Variants in RSPO2 observed in about 807,000 individuals in gnomAD.
The protein encoded by RSPO2 is R-spondin-2.
In RSPO2, 14 loss-of-function variants were observed where a neutral mutation model predicts 30.9. That is an observed-to-expected ratio of 0.45 (90% CI 0.30 to 0.71). The LOEUF is 0.71. Among genes scored for constraint, RSPO2 ranks in the 30% least tolerant of loss-of-function variants. The pLI is 0.08. For synonymous variants in RSPO2, 107 were observed against 96.4 expected (o/e 1.11, Z -0.64); for missense variants, 264 against 301.9 (o/e 0.87, Z 0.93).
rs778343199 is a variant in RSPO2 at position 107,922,310 on chromosome 8, C to CA, written c.617-21121dup. Among the ~76,000 whole-genome samples the CA allele has an allele frequency of 6.6e-5, 10 of 152,114 alleles. No individual in the cohort carries two copies. In the South Asian group the frequency reaches 1.0e-3, roughly 16 times the overall value. On this transcript the variant is annotated intron_variant, in intron 5 of 5. Transcript: ENST00000276659. ...ACTAGCATTCCTATACACCAACAGT[C>CA]AAGCTGAGTGCCCAATCAGGAATAC... is the stretch of plus-strand genomic sequence containing the variant.
At chr8:108,002,275 T>C (rs761474585) in intron 2 of RSPO2, among the ~76,000 whole-genome samples, 3 of 152,204 alleles carry the variant, frequency 2.0e-5, no homozygotes, top group Non-Finnish European at 2.9e-5. Flanking sequence ...CATGGTTCCA[T>C]GTTTATACAG....
intron 2 of RSPO2, among the ~76,000 whole-genome samples, chr8:108,068,619 A>C (rs983013909): frequency 1.3e-5 from 2 of 152,224 alleles, no homozygotes; most frequent in African/African-American, 4.8e-5. Flanking sequence ...TTATTTGCAA[A>C]TAGGGTTTTT....
intron 2 of RSPO2, among the ~76,000 whole-genome samples, chr8:108,023,764 CAAT>C (rs1219379502): frequency 3.3e-5 from 5 of 152,194 alleles, no homozygotes; most frequent in African/African-American, 1.2e-4. Context: ...AGGCTACTGA[CAAT>C]AAAAGAGCAA....
chr8:107,927,923 G>T (rs1358130881), intron 5 of RSPO2, among the ~76,000 whole-genome samples: 1 of 152,098 alleles, frequency 6.6e-6, no homozygotes, highest in Non-Finnish European at 1.5e-5. Context: ...CAACTCACAT[G>T]TCCAATTCTG....
intron 5 of RSPO2, among the ~76,000 whole-genome samples, chr8:107,937,155 T>TG (rs536930189): frequency 8.0e-5 from 3 of 37,444 alleles, no homozygotes. Flanking sequence ...TCTTCAGTTG[T>TG]TTTTTTTTTT....
chr8:107,999,978 T>C (rs1307852486), intron 2 of RSPO2, among the ~76,000 whole-genome samples: 1 of 152,176 alleles, frequency 6.6e-6, no homozygotes, highest in African/African-American at 2.4e-5. Flanking sequence ...AATATATGTA[T>C]TTAACACAGC....
rs193206078 is a variant in RSPO2 at position 108,037,594 on chromosome 8, C to A, written c.94+44951G>T. 3.5e-3 allele frequency among the ~76,000 whole-genome samples: 536 copies of A among 152,240 alleles called. 4 individuals carry two copies. Among genetic ancestry groups the A allele is most frequent in the African/African-American group, 0.012 (506 of 41,544 alleles). ...AGATTTTTAAATGTAGATTAAAAAG[C>A]CTGCTACTGGGAGAAGATGCCACCC... On this transcript the variant is annotated intron_variant, in intron 2 of 5. Coordinates refer to ENST00000276659, the MANE Select transcript of RSPO2 (RefSeq NM_178565.5).
intron 5 of RSPO2, among the ~76,000 whole-genome samples, chr8:107,955,786 C>G (rs902003406): frequency 6.6e-6 from 1 of 152,072 alleles, no homozygotes; most frequent in Non-Finnish European, 1.5e-5. Flanking sequence ...TGTGCTGCTG[C>G]TTTAGTGTGA....
At chr8:108,068,445 CTAATAA>C (rs1812738120) in intron 2 of RSPO2, among the ~76,000 whole-genome samples, 1 of 152,234 alleles carries the variant, frequency 6.6e-6, no homozygotes, top group Non-Finnish European at 1.5e-5. Context: ...ACTTGTTATA[CTAATAA>C]TATTATGGTA....
At chr8:107,947,589 C>T (rs1426176324) in intron 5 of RSPO2, among the ~76,000 whole-genome samples, 3 of 152,106 alleles carry the variant, frequency 2.0e-5, no homozygotes, top group Non-Finnish European at 4.4e-5. Context: ...CATCAGAACC[C>T]GTAAGTATTC....
intron 5 of RSPO2, among the ~76,000 whole-genome samples, chr8:107,951,049 T>TG (rs74990700): frequency 0.06 from 3,841 of 63,960 alleles, 125 homozygotes; most frequent in Middle Eastern, 0.09. Flanking sequence ...ATAAGTTTTT[T>TG]TTTGTTGTTG....
intron 2 of RSPO2, among the ~76,000 whole-genome samples, chr8:108,002,411 C>G (rs188864570): frequency 6.6e-6 from 1 of 152,224 alleles, no homozygotes; most frequent in Non-Finnish European, 1.5e-5. Flanking sequence ...TGCATACTTC[C>G]TAAGAAATGG....
At chr8:108,056,872 A>C (rs1424051099) in intron 2 of RSPO2, among the ~76,000 whole-genome samples, 2 of 150,854 alleles carry the variant, frequency 1.3e-5, no homozygotes, top group Non-Finnish European at 3.0e-5. Flanking sequence ...CCTGGCCAAC[A>C]TGGTGAAACC....
intron 2 of RSPO2, among the ~76,000 whole-genome samples, chr8:108,072,794 TCAAAGGGC>T (rs1201300541): frequency 6.6e-6 from 1 of 152,062 alleles, no homozygotes; most frequent in East Asian, 1.9e-4. Flanking sequence ...TTTACAATTC[TCAAAGGGC>T]CAAAGTATGA....
At chr8:107,928,123 A>C (rs1209320589) in intron 5 of RSPO2, among the ~76,000 whole-genome samples, 1 of 152,180 alleles carries the variant, frequency 6.6e-6, no homozygotes, top group African/African-American at 2.4e-5. Flanking sequence ...GAGAATACTT[A>C]AGTATTCTTA....
At chr8:108,052,248 CCT>C in intron 2 of RSPO2, among the ~76,000 whole-genome samples, 1 of 152,194 alleles carries the variant, frequency 6.6e-6, no homozygotes, top group Middle Eastern at 3.4e-3. Flanking sequence ...CAAAATTTGG[CCT>C]CTGTGTACAC....
intron 3 of RSPO2, among the ~76,000 whole-genome samples, chr8:107,982,762 C>T (rs942337913): frequency 6.6e-6 from 1 of 152,184 alleles, no homozygotes; most frequent in Non-Finnish European, 1.5e-5. Context: ...CAGTGCAACG[C>T]TGACATTGAC....
chr8:107,904,649 AC>A (rs1811581999), intron 5 of RSPO2, among the ~76,000 whole-genome samples: 1 of 152,004 alleles, frequency 6.6e-6, no homozygotes, highest in Non-Finnish European at 1.5e-5. Flanking sequence ...GAATAAGAAA[AC>A]CTGGTAGGCT....
At chr8:107,954,367 T>C (rs1182376418) in intron 5 of RSPO2, among the ~76,000 whole-genome samples, 1 of 152,198 alleles carries the variant, frequency 6.6e-6, no homozygotes, top group Non-Finnish European at 1.5e-5. Flanking sequence ...ATGTACAACA[T>C]GGCCCAGACT....
Sources: gnomAD v4.1 joint callset for allele counts (sites outside exome capture counted in the v4.1 genomes callset) on GRCh38, gnomAD v4.1.1 for gene constraint, MANE v1.5 for transcripts, NCBI Gene and HGNC (gene_info 2026-07-23, HGNC 2026-07-21) for gene names.